ZNF516: variants seen among roughly 807,000 people sequenced by gnomAD.
ZNF516 encodes zinc finger protein 516.
ZNF516 carries 19 observed loss-of-function variants against 79.7 expected under a neutral mutation model. The observed-to-expected ratio is 0.24, with a 90% CI of 0.17 to 0.35. The LOEUF (loss-of-function observed/expected upper bound fraction) is 0.35, where lower values mean the gene tolerates loss of function less well. Ranked by LOEUF, ZNF516 falls within the 10% of genes least tolerant of loss-of-function variation. ZNF516 has a pLI of 1.00. For synonymous variants in ZNF516, 877 were observed against 739.5 expected (o/e 1.19, Z -3.02); for missense variants, 1,678 against 1,679.5 (o/e 1.00, Z 0.02).
intron 2 of ZNF516, among the ~76,000 whole-genome samples, chr18:76,462,754 C>G (rs562651467): frequency 6.6e-6 from 1 of 152,216 alleles, no homozygotes; most frequent in Non-Finnish European, 1.5e-5. Flanking sequence ...GTTCTACGAT[C>G]AGCTTACACT....
chr18:76,479,439 C>A (rs985588104), intron 1 of ZNF516, among the ~76,000 whole-genome samples: 3 of 152,150 alleles, frequency 2.0e-5, no homozygotes, highest in Admixed American at 6.5e-5. Flanking sequence ...GTGAGTGATC[C>A]TTTGCACAGG....
intron 3 of ZNF516, among the ~76,000 whole-genome samples, chr18:76,418,908 G>T (rs2145360582): frequency 6.6e-6 from 1 of 152,384 alleles, no homozygotes; most frequent in Non-Finnish European, 1.5e-5. Flanking sequence ...CAGAGGGTCT[G>T]CAGGGCAGAT....
rs1357666803 is a variant in ZNF516, at chr18:76,493,127, G to A, written c.-272+2017C>T. ...TTTTTTTCCTCCTCTCCTCCCTACC[G>A]TTTCATTTAATGGTAAAACAACAGC... On this transcript the variant is annotated intron_variant, in intron 1 of 6. Transcript: ENST00000443185. This position sits in a 1 kb window ranked among gnomAD's most constrained non-coding sequence, Gnocchi z 5.2. 1.0e-6 allele frequency: 1 copy of A among 984,764 alleles called. No individual in the cohort carries two copies. The highest frequency in any genetic ancestry group is 4.7e-5 in the South Asian group (1 of 21,262). 61.0% of individuals were successfully genotyped at this position (984,764 alleles called of 1,614,324 possible). A position where few individuals can be genotyped will look rare whatever the true frequency, so the allele number is the denominator to read the frequency against.
At chr18:76,399,595 C>A (rs1354541207) in intron 3 of ZNF516, among the ~76,000 whole-genome samples, 1 of 152,244 alleles carries the variant, frequency 6.6e-6, no homozygotes, top group South Asian at 2.1e-4. Flanking sequence ...GGCTTCAAGG[C>A]AGCTCATCTC....
At chr18:76,373,859 C>A (rs2074746357) in intron 4 of ZNF516, among the ~76,000 whole-genome samples, 1 of 152,264 alleles carries the variant, frequency 6.6e-6, no homozygotes, top group South Asian at 2.1e-4. Context: ...GCCCAAGCTA[C>A]AACATTCCGA....
intron 3 of ZNF516, among the ~76,000 whole-genome samples, chr18:76,421,787 T>C (rs533007844): frequency 3.9e-5 from 6 of 152,338 alleles, no homozygotes; most frequent in Admixed American, 2.0e-4. Flanking sequence ...AGTAAGAAAG[T>C]GTACAAAGTG....
chr18:76,404,764 T>C (rs1380228154), intron 3 of ZNF516, among the ~76,000 whole-genome samples: 2 of 152,034 alleles, frequency 1.3e-5, no homozygotes, highest in Admixed American at 1.3e-4. Flanking sequence ...CATATGAGCA[T>C]CTTTGAGCAT....
chr18:76,479,279 A>G (rs1914358864), intron 1 of ZNF516, among the ~76,000 whole-genome samples: 5 of 152,254 alleles, frequency 3.3e-5, no homozygotes. Context: ...GCTAAAGAAC[A>G]GAACGTCCCT....
At chr18:76,448,789 T>C (rs1422024039) in intron 2 of ZNF516, among the ~76,000 whole-genome samples, 1 of 152,010 alleles carries the variant, frequency 6.6e-6, no homozygotes, top group Non-Finnish European at 1.5e-5. Context: ...GAATCTAAGA[T>C]GACTCAAAAA....
intron 3 of ZNF516, among the ~76,000 whole-genome samples, chr18:76,380,858 A>G (rs111537479): frequency 6.6e-6 from 1 of 152,170 alleles, no homozygotes; most frequent in African/African-American, 2.4e-5. Flanking sequence ...CGCCTCAGCC[A>G]TAGGGCTCCC....
At chr18:76,471,094 A>G (rs1296876124) in intron 1 of ZNF516, among the ~76,000 whole-genome samples, 1 of 152,204 alleles carries the variant, frequency 6.6e-6, no homozygotes, top group Admixed American at 6.5e-5. Flanking sequence ...TATGATTTAC[A>G]GTATTCCTCA....
Position 76,372,404 on chromosome 18 carries a change from C to T in ZNF516, c.3260-833G>A, listed in dbSNP as rs369811379. Among the ~76,000 whole-genome samples, 10 of 152,184 alleles carry T rather than the reference C, an allele frequency of 6.6e-5. No individual in the cohort carries two copies. The East Asian group carries it at 1.2e-3, about 18-fold the overall frequency. ...TCTGGCTGGGAGAGTCACTGTTATG[C>T]GCAATAGTAACTCAACTCAGTAGGA... On this transcript the variant is annotated intron_variant, in intron 4 of 6. Coordinates refer to ENST00000443185, the MANE Select transcript of ZNF516 (RefSeq NM_014643.4).
At chr18:76,400,762 T>C (rs562316074) in intron 3 of ZNF516, among the ~76,000 whole-genome samples, 9 of 152,346 alleles carry the variant, frequency 5.9e-5, no homozygotes, top group African/African-American at 2.2e-4. Flanking sequence ...CAAACTATTA[T>C]GTAATATAAA....
Position 76,441,465 on chromosome 18 carries a change from C to A in ZNF516, c.1590G>T (p.Met530Ile). Residue 530 changes from methionine (M) to isoleucine (I), a missense_variant, in exon 3 of 7, where the codon ATG becomes ATT. Physicochemically the swap from Met to Ile is conservative, Grantham distance 10. Coordinates refer to ENST00000443185, the MANE Select transcript of ZNF516 (RefSeq NM_014643.4). Reference protein sequence around the residue: ...CGKIFRTYHQMVLHSRVHRRA... With the variant: ...CGKIFRTYHQIVLHSRVHRRA... Reference sequence around the variant, plus strand: ...GGCGATGCACGCGTGAGTGCAGCACCATCTGATGATAGGTGCGGAAGATCT... The same window carrying A: ...GGCGATGCACGCGTGAGTGCAGCACAATCTGATGATAGGTGCGGAAGATCT... 1 of 1,605,086 alleles carries A rather than the reference C, an allele frequency of 6.2e-7. No homozygotes were observed.
At chr18:76,370,186 C>T (rs998382238) in intron 6 of ZNF516, among the ~76,000 whole-genome samples, 2 of 152,234 alleles carry the variant, frequency 1.3e-5, no homozygotes, top group Non-Finnish European at 2.9e-5. Flanking sequence ...AGGTTAACCA[C>T]AATTTGTTCT....
chr18:76,388,886 C>G (rs1242191767), intron 3 of ZNF516: 1 of 152,308 alleles, frequency 6.6e-6, no homozygotes, highest in Non-Finnish European at 1.5e-5. Context: ...AGGGTCCTCT[C>G]TTCACACTGG....
chr18:76,416,428 T>C (rs2075433865), intron 3 of ZNF516, among the ~76,000 whole-genome samples: 1 of 152,242 alleles, frequency 6.6e-6, no homozygotes, highest in Admixed American at 6.5e-5. Flanking sequence ...GTCATGAGAT[T>C]TTTCCATTAA....
chr18:76,492,746 C>A, intron 1 of ZNF516: 1 of 985,562 alleles, frequency 1.0e-6, no homozygotes, highest in Non-Finnish European at 1.2e-6. Flanking sequence ...TCTTTTCTCC[C>A]CCTTCTGCAG....
At chr18:76,362,612 C>G in intron 6 of ZNF516, 55 bp from the exon 7 acceptor site, 1 of 1,526,990 alleles carries the variant, frequency 6.5e-7, no homozygotes, top group African/African-American at 1.4e-5. Context: ...CTTTTGGTTT[C>G]TAAATGCATT....
Sources: allele counts gnomAD v4.1 joint callset (sites outside exome capture counted in the v4.1 genomes callset), GRCh38; gene constraint gnomAD v4.1.1; non-coding constraint Gnocchi (gnomAD v3.1); transcripts MANE v1.5; gene names NCBI Gene and HGNC (gene_info 2026-07-23, HGNC 2026-07-21).